The following SPATA20 variants were observed in gnomAD, a reference collection of about 807,000 sequenced individuals.
SPATA20 encodes spermatogenesis-associated protein 20.
Under a neutral mutation model 98.9 loss-of-function variants are expected in SPATA20, and 74 were observed. The ratio of observed to expected loss-of-function variants is 0.75; its 90% CI spans 0.62 to 0.91. SPATA20 has a LOEUF of 0.91. SPATA20 is among the 40% of genes least tolerant of loss of function. The pLI, the probability that SPATA20 is intolerant of heterozygous loss-of-function variation, is 0.00. For missense variants in SPATA20, 1,016 were observed against 1,069.8 expected (o/e 0.95, Z 0.70); for synonymous variants, 430 against 440.5 (o/e 0.98, Z 0.30).
At position 50,551,518 on chromosome 17, in the gene SPATA20, G is replaced by C. The variant is rs1439073320; in HGVS notation, c.1584G>C (p.Met528Ile). 1 of 1,591,510 alleles carries C rather than the reference G, an allele frequency of 6.3e-7. No homozygotes were observed. The highest frequency in any genetic ancestry group is 8.6e-7 in the Non-Finnish European group (1 of 1,161,340). ...TGTCTCTCCTGGCTCCAGGCTTGAT[G>C]GTGTCAGGCTATGCTGTGACTGGGG... ...SKMLAAWNGL[M>I]VSGYAVTGAV... is the part of the protein sequence containing the mutation. The change falls in exon 13 of 17, where the codon ATG becomes ATC. Residue 528 changes from methionine to isoleucine, a missense_variant. By Grantham distance (10) the Met-to-Ile change is conservative. Transcript: ENST00000006658.
chr17:50,552,833 C>A (rs942308140), intron 14 of SPATA20, among the ~76,000 whole-genome samples: 1 of 152,080 alleles, frequency 6.6e-6, no homozygotes, highest in African/African-American at 2.4e-5. Context: ...GGATTACAGG[C>A]GAGAGCCACC....
Position 50,548,266 on chromosome 17 carries a change from G to A in SPATA20, c.126-17G>A. 2 of 1,611,378 alleles carry A rather than the reference G, an allele frequency of 1.2e-6. No individual in the cohort carries two copies. Among genetic ancestry groups the A allele is most frequent in the Non-Finnish European group, 1.7e-6 (2 of 1,178,994 alleles). ...GGTGGAGGCCCCTGGCTTGCCTGAT[G>A]CACCAGTCCTCGCCAGGGGTAGCTC... On this transcript the variant is annotated splice_polypyrimidine_tract_variant and intron_variant, in intron 2 of 16. Coordinates refer to ENST00000006658, the MANE Select transcript of SPATA20 (RefSeq NM_022827.4).
chr17:50,547,334 G>T (rs1360097357), intron 1 of SPATA20, 49 bp downstream of exon 1: 5 of 1,375,208 alleles, frequency 3.6e-6, no homozygotes, highest in Non-Finnish European at 4.7e-6. Flanking sequence ...GCCTGCCTGC[G>T]GGCCCAGTGG....
At position 50,548,892 on chromosome 17, in the gene SPATA20, G is replaced by A; in HGVS notation, c.444G>A (p.Glu148=). 6.2e-7 allele frequency: 1 copy of A among 1,614,162 alleles called. No individual in the cohort carries two copies. Among genetic ancestry groups the A allele is most frequent in the Non-Finnish European group, 8.5e-7 (1 of 1,180,014 alleles). Residue 148 remains glutamate, a synonymous_variant, in exon 5 of 17, where the codon GAG becomes GAA. Coordinates refer to ENST00000006658, the MANE Select transcript of SPATA20 (RefSeq NM_022827.4). ...QNEEIGRLLS[E]DFVSVKVDRE... is the part of the protein sequence containing the mutation. ...AGGAGATTGGCCGCCTGCTCAGTGA[G>A]GACTTTGTGAGTGTGAAGGTAGACC... is the stretch of plus-strand genomic sequence containing the variant.
Position 50,550,325 on chromosome 17 carries a change from C to A in SPATA20, c.1098+13C>A. On this transcript the variant is annotated intron_variant, in intron 9 of 16. Coordinates refer to ENST00000006658, the MANE Select transcript of SPATA20 (RefSeq NM_022827.4). ...GCAGGCCTTCCAGGTGACCCCTGAC[C>A]CCAGCCCAGAGAACAGGCATCTCAC... is the stretch of plus-strand genomic sequence containing the variant. 2 of 1,563,662 alleles carry A rather than the reference C, an allele frequency of 1.3e-6. No individual in the cohort carries two copies. Among genetic ancestry groups the A allele is most frequent in the Admixed American group, 1.7e-5 (1 of 57,442 alleles).
rs1796933330 is a variant in SPATA20 at position 50,548,581 on chromosome 17, C to T, written c.324C>T (p.Asp108=). ...ACCCCTGGGGACAGGAAGCCTTCGACAAGGCCAGGAAGGAAAACAAGCCGA... is the reference window on the plus strand; with the variant it reads ...ACCCCTGGGGACAGGAAGCCTTCGATAAGGCCAGGAAGGAAAACAAGCCGA... ...DWYPWGQEAF[D]KARKENKPIF... The change falls in exon 4 of 17, where the codon GAC becomes GAT. Residue 108 remains aspartate (D), a synonymous_variant. Coordinates refer to ENST00000006658, the MANE Select transcript of SPATA20 (RefSeq NM_022827.4). 6.2e-7 allele frequency: 1 copy of T among 1,613,632 alleles called. No individual in the cohort carries two copies. The highest frequency in any genetic ancestry group is 8.5e-7 in the Non-Finnish European group (1 of 1,179,852).
chr17:50,554,914 T>C (rs912697919), intron 15 of SPATA20, among the ~76,000 whole-genome samples: 19 of 93,446 alleles, frequency 2.0e-4, no homozygotes, highest in Admixed American at 3.3e-4. Context: ...TGTGTGTGTG[T>C]GTGTGTGTGT....
At chr17:50,554,221 C>A in intron 14 of SPATA20, 30 bp from the exon 15 acceptor site, 1 of 1,607,810 alleles carries the variant, frequency 6.2e-7, no homozygotes, top group Non-Finnish European at 8.5e-7. Flanking sequence ...CTGCCCTTAC[C>A]CCCACCCCCT....
At chr17:50,551,765 T>G (rs927346535) in intron 13 of SPATA20, 86 bp downstream of exon 13, 5 of 1,434,720 alleles carry the variant, frequency 3.5e-6, no homozygotes, top group Non-Finnish European at 4.7e-6. Context: ...CCATGTGGAC[T>G]CCAGTCCTGG....
Position 50,550,326 on chromosome 17 carries a change from C to G in SPATA20, c.1098+14C>G. On this transcript the variant is annotated intron_variant, in intron 9 of 16. Transcript: ENST00000006658. ...CAGGCCTTCCAGGTGACCCCTGACC[C>G]CAGCCCAGAGAACAGGCATCTCACT... The G allele has an allele frequency of 3.2e-6, 5 of 1,563,458 alleles. No individual in the cohort carries two copies. The highest frequency in any genetic ancestry group is 3.5e-6 in the Non-Finnish European group (4 of 1,148,640).
intron 7 of SPATA20, 140 bp downstream of exon 7, chr17:50,549,627 T>A (rs1164737256): frequency 1.2e-6 from 1 of 849,500 alleles, no homozygotes; most frequent in Non-Finnish European, 1.8e-6. Flanking sequence ...AGCCTGTCGG[T>A]AGCTATCGGT....
In SPATA20 at chr17:50,549,455, G is replaced by C. The variant is rs1157424473; in HGVS notation, c.830G>C (p.Gly277Ala). 1.2e-6 allele frequency: 2 copies of C among 1,612,346 alleles called. No homozygotes were observed. The highest frequency in any genetic ancestry group is 2.7e-5 in the African/African-American group (2 of 75,050). Residue 277 changes from glycine (G) to alanine (A), a missense_variant, in exon 7 of 17, where the codon GGC becomes GCC. Physicochemically the swap from Gly to Ala is moderately conservative, Grantham distance 60. Transcript: ENST00000006658. The part of the protein sequence containing the change: ...LDEGYDEEYG[G>A]FAEAPKFPTP... ...GAGGGCTATGATGAGGAATACGGTGGCTTCGCTGAGGCCCCCAAGTTTCCC... is the reference window on the plus strand; with the variant it reads ...GAGGGCTATGATGAGGAATACGGTGCCTTCGCTGAGGCCCCCAAGTTTCCC...
chr17:50,554,548 C>G, intron 15 of SPATA20, 98 bp downstream of exon 15: 1 of 1,280,948 alleles, frequency 7.8e-7, no homozygotes, highest in Non-Finnish European at 1.1e-6. Context: ...TGGGCTGTCC[C>G]CAGAGCTCAG....
chr17:50,555,147 G>C (rs565895644), intron 15 of SPATA20, 85 bp from the exon 16 acceptor site: 6 of 1,057,554 alleles, frequency 5.7e-6, no homozygotes, highest in African/African-American at 1.6e-5. Context: ...ACGGTGGGGC[G>C]GAAGGAGGAT....
intron 4 of SPATA20, 76 bp from the exon 5 acceptor site, chr17:50,548,734 T>C: frequency 1.3e-6 from 2 of 1,593,056 alleles, no homozygotes; most frequent in Non-Finnish European, 1.7e-6. Flanking sequence ...ACGTCTTCCA[T>C]GTAGCCAGGG....
In SPATA20 at chr17:50,554,342, C is replaced by T. The variant is rs2035061309; in HGVS notation, c.2049C>T (p.Asp683=). Residue 683 remains aspartate (D), a synonymous_variant, in exon 15 of 17, where the codon GAC becomes GAT. Transcript: ENST00000006658. ...TCACGGGCCACAAGGACTGGATGGA[C>T]AAGTGTGTGTGCCTATTGACCGCCT... is the stretch of plus-strand genomic sequence containing the variant. The part of the protein sequence containing the change: ...HGFTGHKDWM[D]KCVCLLTAFS... 2 of 1,614,096 alleles carry T rather than the reference C, an allele frequency of 1.2e-6. No individual in the cohort carries two copies. The highest frequency in any genetic ancestry group is 1.3e-5 in the African/African-American group (1 of 74,944).
intron 14 of SPATA20, among the ~76,000 whole-genome samples, chr17:50,552,547 C>T (rs891826018): frequency 6.9e-6 from 1 of 145,330 alleles, no homozygotes; most frequent in East Asian, 2.1e-4. Context: ...TCTTTCTTTT[C>T]TTTCTCTCTT....
chr17:50,549,040 C>A lies in SPATA20; in HGVS notation c.517-3C>A, dbSNP rs1295001962. On this transcript the variant is annotated splice_polypyrimidine_tract_variant and splice_region_variant and intron_variant, in intron 5 of 16. Coordinates refer to ENST00000006658, the MANE Select transcript of SPATA20 (RefSeq NM_022827.4). ...CCCCTCACCCTCGCCCTCTCTCCGC[C>A]AGGCCACCAGCAGCGGCGGGGGCTG... 1 of 1,613,788 alleles carries A rather than the reference C, an allele frequency of 6.2e-7. No individual in the cohort carries two copies.
intron 15 of SPATA20, 125 bp from the exon 16 acceptor site, chr17:50,555,107 A>G (rs1291024907): frequency 1.4e-6 from 1 of 703,410 alleles, no homozygotes; most frequent in Non-Finnish European, 2.5e-6. Flanking sequence ...CTGGCAGCTG[A>G]GATGAGTCCC....
Sources: gnomAD v4.1 joint callset for allele counts (sites outside exome capture counted in the v4.1 genomes callset) on GRCh38, gnomAD v4.1.1 for gene constraint, MANE v1.5 for transcripts, NCBI Gene and HGNC (gene_info 2026-07-23, HGNC 2026-07-21) for gene names.